TTYH1: variants seen among roughly 807,000 people sequenced by gnomAD.
TTYH1 encodes tweety family member 1.
In TTYH1, 33 loss-of-function variants were observed where a neutral mutation model predicts 61.2. That is an observed-to-expected ratio of 0.54 (90% CI 0.41 to 0.72). The LOEUF is 0.72. TTYH1 is among the 30% of genes least tolerant of loss of function. TTYH1 has a pLI of 0.00. For missense variants in TTYH1, 538 were observed against 575.8 expected (o/e 0.93, Z 0.67); for synonymous variants, 308 against 266.4 (o/e 1.16, Z -1.52).
rs1238045709 is a variant in TTYH1, at chr19:54,419,587, C to T, written c.305+281C>T. 2 of 665,942 alleles carry T rather than the reference C, an allele frequency of 3.0e-6. No individual in the cohort carries two copies. The highest frequency in any genetic ancestry group is 5.5e-6 in the Non-Finnish European group (2 of 362,062). 41.3% of individuals were successfully genotyped at this position (665,942 alleles called of 1,614,324 possible). ...GTCAGATGGCCTGGTTTTGGTGGCT[C>T]TCCCATTGAATAGCTGTGTGACCTA... On this transcript the variant is annotated intron_variant, in intron 2 of 13. Coordinates refer to ENST00000376530, the MANE Select transcript of TTYH1 (RefSeq NM_020659.4). This position sits in a 1 kb window ranked among gnomAD's most constrained non-coding sequence, Gnocchi z 6.1.
In TTYH1 at chr19:54,429,159, C is replaced by A; in HGVS notation, c.735-148C>A. The A allele has an allele frequency of 2.8e-6, 2 of 722,078 alleles. No homozygotes were observed. Among genetic ancestry groups the A allele is most frequent in the Non-Finnish European group, 4.8e-6 (2 of 415,216 alleles). 44.7% of individuals were successfully genotyped at this position (722,078 alleles called of 1,614,324 possible). On this transcript the variant is annotated intron_variant, in intron 5 of 13. Transcript: ENST00000376530. This position sits in a 1 kb window ranked among gnomAD's most constrained non-coding sequence, Gnocchi z 5.1. ...TCAGCAGCCACTGGCCTACCCCCAA[C>A]CACTGAACTTGTGTTTCCCTAATTC...
rs542547262 is a variant in TTYH1 at position 54,420,774 on chromosome 19, C to A, written c.306-503C>A. 5.8e-3 allele frequency: 1,003 copies of A among 173,784 alleles called. 11 individuals are homozygous for A. Among genetic ancestry groups the A allele is most frequent in the Non-Finnish European group, 5.2e-3 (374 of 72,194 alleles). The allele number at this position is 173,784 out of a possible 1,614,324, so 10.8% of individuals were successfully genotyped here. On this transcript the variant is annotated intron_variant, in intron 2 of 13. Coordinates refer to ENST00000376530, the MANE Select transcript of TTYH1 (RefSeq NM_020659.4). This position sits in a 1 kb window ranked among gnomAD's most constrained non-coding sequence, Gnocchi z 4.8. ...CCCCAGGAGATGGTGGCAGCTGCCC[C>A]CCTTGTACCCTTAGGAACCCCCAGG...
intron 1 of TTYH1, chr19:54,418,825 G>A: frequency 3.1e-6 from 1 of 321,044 alleles, no homozygotes; most frequent in Non-Finnish European, 5.6e-6. Context: ...AGGAAACCCA[G>A]GCTCGGAGAA....
At position 54,416,113 on chromosome 19, in the gene TTYH1, A is replaced by G. The variant is rs1426761858; in HGVS notation, c.126+435A>G. On this transcript the variant is annotated intron_variant, in intron 1 of 13. Coordinates refer to ENST00000376530, the MANE Select transcript of TTYH1 (RefSeq NM_020659.4). This position sits in a 1 kb window ranked among gnomAD's most constrained non-coding sequence, Gnocchi z 7.0. ...TGGGACCCAGGAGACAGCGGACCTG[A>G]TAACGGTGGCGGGGAAAACGCTGGC... is the stretch of plus-strand genomic sequence containing the variant. 3.9e-6 allele frequency: 5 copies of G among 1,295,164 alleles called. No individual in the cohort carries two copies. The highest frequency in any genetic ancestry group is 5.1e-6 in the Non-Finnish European group (5 of 981,106). The allele number at this position is 1,295,164 out of a possible 1,614,324, so 80.2% of individuals were successfully genotyped here.
At chr19:54,425,205 T>A (rs1020778342) in intron 4 of TTYH1, among the ~76,000 whole-genome samples, 1 of 152,210 alleles carries the variant, frequency 6.6e-6, no homozygotes, top group Non-Finnish European at 1.5e-5. Context: ...GTGGACACCC[T>A]GCCGGATCCG....
Position 54,419,003 on chromosome 19 carries a change from G to T in TTYH1, c.127-125G>T. 1.0e-6 allele frequency: 1 copy of T among 969,150 alleles called. No individual in the cohort carries two copies. Among genetic ancestry groups the T allele is most frequent in the Non-Finnish European group, 1.5e-6 (1 of 654,206 alleles). The allele number at this position is 969,150 out of a possible 1,614,324, so 60.0% of individuals were successfully genotyped here. On this transcript the variant is annotated intron_variant, in intron 1 of 13. Coordinates refer to ENST00000376530, the MANE Select transcript of TTYH1 (RefSeq NM_020659.4). This position sits in a 1 kb window ranked among gnomAD's most constrained non-coding sequence, Gnocchi z 6.1. ...GGGACCCAATCTCCCCCAAGATTAGGCCAGGGATGTCTCCCACCTTCACTC... is the reference window on the plus strand; with the variant it reads ...GGGACCCAATCTCCCCCAAGATTAGTCCAGGGATGTCTCCCACCTTCACTC...
At chr19:54,435,206 G>T in intron 10 of TTYH1, 1 of 280,872 alleles carries the variant, frequency 3.6e-6, no homozygotes, top group Non-Finnish European at 6.7e-6. Flanking sequence ...GGGCTGGTGG[G>T]AGATGCTGGA....
chr19:54,426,286 C>T (rs920649831), intron 4 of TTYH1, among the ~76,000 whole-genome samples: 3 of 152,124 alleles, frequency 2.0e-5, no homozygotes, highest in African/African-American at 7.2e-5. Context: ...AGACGTCATG[C>T]CCTCCAGGGA....
rs903477482 is a variant in TTYH1, at chr19:54,421,022, T to TC, written c.306-248dup. Among the ~76,000 whole-genome samples, 7 of 151,078 alleles carry TC rather than the reference T, an allele frequency of 4.6e-5. No individual in the cohort carries two copies. The highest frequency in any genetic ancestry group is 2.1e-4 in the South Asian group (1 of 4,766). On this transcript the variant is annotated intron_variant, in intron 2 of 13. Coordinates refer to ENST00000376530, the MANE Select transcript of TTYH1 (RefSeq NM_020659.4). The surrounding 1 kb of genome is among the most constrained non-coding windows in gnomAD (Gnocchi z 4.8). ...GGTGCGAGTTAAATCGGGGGCTCCC[T>TC]CCCCCCCACCACTCCACCCACCATT... is the stretch of plus-strand genomic sequence containing the variant.
Position 54,436,162 on chromosome 19 carries a change from C to A in TTYH1, c.*33C>A, listed in dbSNP as rs568496543. 3 of 1,614,068 alleles carry A rather than the reference C, an allele frequency of 1.9e-6. No homozygotes were observed. The Admixed American group carries it at 5.0e-5, about 27-fold the overall frequency. On this transcript the variant is annotated 3_prime_UTR_variant, in exon 13 of 14. Transcript: ENST00000376530. This position sits in a 1 kb window ranked among gnomAD's most constrained non-coding sequence, Gnocchi z 4.3. The stretch of plus-strand genomic sequence containing the variant: ...CTCCCGGCTGGACTGGAGCCTGGCT[C>A]CCCTCTTCGGTGAGCTTCCAAGGGC...
Position 54,415,906 on chromosome 19 carries a change from G to T in TTYH1, c.126+228G>T. The T allele has an allele frequency of 1.2e-6, 1 of 802,002 alleles. No homozygotes were observed. The highest frequency in any genetic ancestry group is 1.9e-5 in the South Asian group (1 of 53,946). 49.7% of individuals were successfully genotyped at this position (802,002 alleles called of 1,614,324 possible). A position where few individuals can be genotyped will look rare whatever the true frequency, so the allele number is the denominator to read the frequency against. ...CCTCGAGCTCTCTAAATAAGGGAAGGCTGGGGACCTGCACCCCTGAGTTCA... is the reference window on the plus strand; with the variant it reads ...CCTCGAGCTCTCTAAATAAGGGAAGTCTGGGGACCTGCACCCCTGAGTTCA... On this transcript the variant is annotated intron_variant, in intron 1 of 13. Transcript: ENST00000376530. The surrounding 1 kb of genome is among the most constrained non-coding windows in gnomAD (Gnocchi z 5.2).
chr19:54,422,135 CCG>C, intron 3 of TTYH1, 53 bp from the exon 4 acceptor site: 1 of 1,459,488 alleles, frequency 6.9e-7, no homozygotes, highest in Non-Finnish European at 9.3e-7. Context: ...CATGCCTCGA[CCG>C]CGGGCTCCCC....
At chr19:54,422,458 A>C (rs1321763543) in intron 4 of TTYH1, 48 bp downstream of exon 4, 3 of 1,454,630 alleles carry the variant, frequency 2.1e-6, no homozygotes, top group East Asian at 5.0e-5. Context: ...TCTCAGGCGG[A>C]GTCCCCGGGG....
At chr19:54,423,961 G>T (rs905473337) in intron 4 of TTYH1, among the ~76,000 whole-genome samples, 3 of 152,116 alleles carry the variant, frequency 2.0e-5, no homozygotes, top group Non-Finnish European at 2.9e-5. Context: ...AAGAGATCGA[G>T]ACCATCCTGG....
rs112878185 is a variant in TTYH1, at chr19:54,428,891, C to T, written c.735-416C>T. Among the ~76,000 whole-genome samples, 115 of 152,264 alleles carry T rather than the reference C, an allele frequency of 7.6e-4. 1 individual carries two copies. The highest frequency in any genetic ancestry group is 2.8e-3 in the African/African-American group (115 of 41,540). ...TGCACCCCTCCCCACCCGGAAAGTCCAGAGACTTTCAGATTTCAGCCCTGG... is the reference window on the plus strand; with the variant it reads ...TGCACCCCTCCCCACCCGGAAAGTCTAGAGACTTTCAGATTTCAGCCCTGG... On this transcript the variant is annotated intron_variant, in intron 5 of 13. Coordinates refer to ENST00000376530, the MANE Select transcript of TTYH1 (RefSeq NM_020659.4).
In TTYH1 at chr19:54,415,467, CA is replaced by C; in HGVS notation, c.-85del. ...CCGCTCCCGCTCCCCTGAGCCCAGCCAGACCCCGCGCCGCCCGCGCCCCGCT... is the reference window on the plus strand; with the variant it reads ...CCGCTCCCGCTCCCCTGAGCCCAGCCGACCCCGCGCCGCCCGCGCCCCGCT... On this transcript the variant is annotated 5_prime_UTR_variant, in exon 1 of 14. Coordinates refer to ENST00000376530, the MANE Select transcript of TTYH1 (RefSeq NM_020659.4). This position sits in a 1 kb window ranked among gnomAD's most constrained non-coding sequence, Gnocchi z 5.2. 1 of 1,239,064 alleles carries C rather than the reference CA, an allele frequency of 8.1e-7. No individual in the cohort carries two copies. The highest frequency in any genetic ancestry group is 1.0e-6 in the Non-Finnish European group (1 of 987,320). The allele number at this position is 1,239,064 out of a possible 1,614,324, so 76.8% of individuals were successfully genotyped here. A position where few individuals can be genotyped will look rare whatever the true frequency, so the allele number is the denominator to read the frequency against.
chr19:54,433,993 C>T (rs913018597), intron 10 of TTYH1, among the ~76,000 whole-genome samples: 17 of 152,108 alleles, frequency 1.1e-4, no homozygotes, highest in African/African-American at 3.1e-4. Context: ...CCGACAGGTC[C>T]GTACCCCAAC....
rs989022120 is a variant in TTYH1 at position 54,427,325 on chromosome 19, G to T, written c.734+557G>T. ...AAAAAAAAAAAAAAAAAAAAAAAAGGCTGGGCGTGGTGGCTCACGCCTGTA... is the reference window on the plus strand; with the variant it reads ...AAAAAAAAAAAAAAAAAAAAAAAAGTCTGGGCGTGGTGGCTCACGCCTGTA... On this transcript the variant is annotated intron_variant, in intron 5 of 13. Coordinates refer to ENST00000376530, the MANE Select transcript of TTYH1 (RefSeq NM_020659.4). Among the ~76,000 whole-genome samples the T allele has an allele frequency of 5.5e-5, 6 of 109,142 alleles. No individual in the cohort carries two copies. In the East Asian group the frequency reaches 1.6e-3, roughly 30 times the overall value. The allele number at this position is 109,142 out of a possible 152,430, so 71.6% of individuals were successfully genotyped here. A position where few individuals can be genotyped will look rare whatever the true frequency, so the allele number is the denominator to read the frequency against.
intron 7 of TTYH1, 23 bp from the exon 8 acceptor site, chr19:54,430,527 C>T: frequency 6.2e-7 from 1 of 1,613,840 alleles, no homozygotes; most frequent in Non-Finnish European, 8.5e-7. Flanking sequence ...ATGGCCTCCT[C>T]CCCTCTCCTC....
Sources: gnomAD v4.1 joint callset for allele counts (sites outside exome capture counted in the v4.1 genomes callset) on GRCh38, gnomAD v4.1.1 for gene constraint, Gnocchi (gnomAD v3.1) non-coding constraint, MANE v1.5 for transcripts, NCBI Gene and HGNC (gene_info 2026-07-23, HGNC 2026-07-21) for gene names.